SGCD: variants seen among roughly 807,000 people sequenced by gnomAD.
SGCD encodes sarcoglycan delta.
Under a neutral mutation model 36.6 loss-of-function variants are expected in SGCD, and 18 were observed. The ratio of observed to expected loss-of-function variants is 0.49; its 90% CI spans 0.34 to 0.73. The LOEUF (loss-of-function observed/expected upper bound fraction) is 0.73. Among genes scored for constraint, SGCD ranks in the 30% least tolerant of loss-of-function variants. SGCD has a pLI of 0.01. For synonymous variants in SGCD, 133 were observed against 130.6 expected (o/e 1.02, Z -0.12); for missense variants, 387 against 346.7 (o/e 1.12, Z -0.92).
At chr5:156,454,128 A>C (rs563213010) in intron 3 of SGCD, among the ~76,000 whole-genome samples, 1 of 152,264 alleles carries the variant, frequency 6.6e-6, no homozygotes, top group South Asian at 2.1e-4. Flanking sequence ...ACCTCAAATT[A>C]ATCTTTAAAG....
At position 156,367,800 on chromosome 5, in the gene SGCD, T is replaced by C. The variant is rs182467345; in HGVS notation, c.192+23123T>C. 1.8e-3 allele frequency among the ~76,000 whole-genome samples: 275 copies of C among 152,298 alleles called. 2 individuals carry two copies. Among genetic ancestry groups the C allele is most frequent in the African/African-American group, 6.4e-3 (266 of 41,552 alleles). ...CTGCTGCTTTCAACTGTGGTTGTGT[T>C]GTAAGCTAGGTGGTTGTTGGAGGTG... On this transcript the variant is annotated intron_variant, in intron 3 of 8. Transcript: ENST00000337851.
At chr5:156,249,732 G>A (rs1361503408) in intron 3 of SGCD, among the ~76,000 whole-genome samples, 3 of 141,816 alleles carry the variant, frequency 2.1e-5, no homozygotes, top group Non-Finnish European at 4.6e-5. Flanking sequence ...AAAAAAAAAA[G>A]TGTGTGTATT....
intron 1 of SGCD, among the ~76,000 whole-genome samples, chr5:155,925,186 A>G (rs1756972809): frequency 6.6e-6 from 1 of 152,224 alleles, no homozygotes; most frequent in African/African-American, 2.4e-5. Context: ...CTTGGAAAGT[A>G]AAGTACAAAC....
At chr5:156,616,534 A>G (rs1561817357) in intron 6 of SGCD, among the ~76,000 whole-genome samples, 2 of 152,176 alleles carry the variant, frequency 1.3e-5, no homozygotes, top group Admixed American at 6.5e-5. Context: ...AGGCATTGTG[A>G]AGGGTATTAG....
intron 3 of SGCD, among the ~76,000 whole-genome samples, chr5:156,224,390 A>T (rs1764795782): frequency 6.6e-6 from 1 of 152,274 alleles, no homozygotes; most frequent in African/African-American, 2.4e-5. Context: ...AGTGGCCCAG[A>T]CAAAAGGAAA....
At chr5:156,743,511 T>C (rs1756795458) in intron 7 of SGCD, among the ~76,000 whole-genome samples, 1 of 152,246 alleles carries the variant, frequency 6.6e-6, no homozygotes, top group African/African-American at 2.4e-5. Flanking sequence ...TGCTGGTCCT[T>C]CTGCGTCTCT....
At chr5:156,023,095 T>C (rs1241936669) in intron 1 of SGCD, among the ~76,000 whole-genome samples, 2 of 152,246 alleles carry the variant, frequency 1.3e-5, no homozygotes, top group Non-Finnish European at 2.9e-5. Flanking sequence ...TGGTCAATCA[T>C]TGAAACTCTC....
intron 3 of SGCD, among the ~76,000 whole-genome samples, chr5:156,320,145 G>A (rs1354241787): frequency 1.4e-5 from 2 of 147,506 alleles, no homozygotes; most frequent in African/African-American, 5.1e-5. Context: ...ACAATTGTTG[G>A]GTTTTAGGGT....
chr5:156,567,523 C>G (rs253605), intron 4 of SGCD, among the ~76,000 whole-genome samples: 1 of 152,054 alleles, frequency 6.6e-6, no homozygotes, highest in Non-Finnish European at 1.5e-5. Flanking sequence ...TTGTCCAGTT[C>G]ATGTCTAAAG....
At chr5:156,579,519 G>T (rs577972241) in intron 4 of SGCD, among the ~76,000 whole-genome samples, 1 of 152,118 alleles carries the variant, frequency 6.6e-6, no homozygotes, top group East Asian at 1.9e-4. Flanking sequence ...GGGTGTTAAA[G>T]TATCCCATTA....
chr5:156,561,652 GT>G (rs1759272186), intron 4 of SGCD, among the ~76,000 whole-genome samples: 1 of 152,172 alleles, frequency 6.6e-6, no homozygotes, highest in South Asian at 2.1e-4. Flanking sequence ...GACTTAAGTG[GT>G]TTTTCAGTGT....
chr5:156,258,478 C>A (rs1445622118), intron 3 of SGCD, among the ~76,000 whole-genome samples: 1 of 152,134 alleles, frequency 6.6e-6, no homozygotes, highest in Non-Finnish European at 1.5e-5. Context: ...TTGCAGCCAA[C>A]TTTTAAGAAT....
intron 7 of SGCD, among the ~76,000 whole-genome samples, chr5:156,746,561 T>C (rs1277267870): frequency 2.0e-5 from 3 of 152,052 alleles, no homozygotes; most frequent in African/African-American, 7.2e-5. Flanking sequence ...CCAGAGAGTT[T>C]AGAAATAGAT....
At chr5:156,301,458 G>C (rs1252395061) in intron 3 of SGCD, among the ~76,000 whole-genome samples, 1 of 151,758 alleles carries the variant, frequency 6.6e-6, no homozygotes, top group Non-Finnish European at 1.5e-5. Flanking sequence ...TTATTATACT[G>C]TCTATGTTTT....
In SGCD at chr5:156,669,585, AGAT is replaced by A. The variant is rs1442904139; in HGVS notation, c.575+22053_575+22055del. Among the ~76,000 whole-genome samples the A allele has an allele frequency of 2.0e-5, 3 of 152,204 alleles. No homozygotes were observed. In the East Asian group the frequency reaches 5.8e-4, roughly 29 times the overall value. On this transcript the variant is annotated intron_variant, in intron 7 of 8. Transcript: ENST00000337851. ...AATGCTGTTTGCTTTGCATGGATAA[AGAT>A]GATTTGTCAAATGACCAGCCTTCAA...
intron 4 of SGCD, among the ~76,000 whole-genome samples, chr5:156,585,391 T>C (rs1424306887): frequency 1.3e-5 from 2 of 152,240 alleles, no homozygotes; most frequent in African/African-American, 4.8e-5. Flanking sequence ...TAGAGATATT[T>C]GATGCCTGCT....
At chr5:156,636,689 C>T (rs949890434) in intron 6 of SGCD, among the ~76,000 whole-genome samples, 3 of 152,142 alleles carry the variant, frequency 2.0e-5, no homozygotes, top group African/African-American at 7.2e-5. Flanking sequence ...AAGGCAAGGA[C>T]ATGGGAAAAC....
intron 1 of SGCD, among the ~76,000 whole-genome samples, chr5:156,042,313 G>C (rs1581058214): frequency 6.6e-6 from 1 of 151,994 alleles, no homozygotes; most frequent in East Asian, 1.9e-4. Context: ...GAACTGAGAG[G>C]CTAATACCCT....
intron 6 of SGCD, among the ~76,000 whole-genome samples, chr5:156,620,781 A>G (rs1030533059): frequency 5.9e-5 from 9 of 152,186 alleles, no homozygotes; most frequent in Non-Finnish European, 1.3e-4. Context: ...GTATCAGCAT[A>G]TAGTAAACAG....
Sources: gnomAD v4.1 joint callset for allele counts (sites outside exome capture counted in the v4.1 genomes callset) on GRCh38, gnomAD v4.1.1 for gene constraint, MANE v1.5 for transcripts, NCBI Gene and HGNC (gene_info 2026-07-23, HGNC 2026-07-21) for gene names.